The following RBMS1 variants were observed in gnomAD, a reference collection of about 807,000 sequenced individuals.
RBMS1 encodes the protein RNA binding motif single stranded interacting protein 1.
Under a neutral mutation model 62.3 loss-of-function variants are expected in RBMS1, and 17 were observed. The ratio of observed to expected loss-of-function variants is 0.27; its 90% CI spans 0.19 to 0.41. The LOEUF (loss-of-function observed/expected upper bound fraction) is 0.41. Among genes scored for constraint, RBMS1 ranks in the 10% least tolerant of loss-of-function variants. The pLI is 1.00. For missense variants in RBMS1, 334 were observed against 504.5 expected, an observed-to-expected ratio of 0.66 and a Z score of 3.24; for synonymous variants, 172 against 170.0, an observed-to-expected ratio of 1.01 and a Z score of -0.09.
At chr2:160,310,321 T>C (rs1296750659) in intron 4 of RBMS1, among the ~76,000 whole-genome samples, 1 of 152,192 alleles carries the variant, frequency 6.6e-6, no homozygotes, top group African/African-American at 2.4e-5. Context: ...AACAATTGCT[T>C]TTTAGGCTGT....
At chr2:160,444,761 T>C (rs1177541907) in intron 1 of RBMS1, among the ~76,000 whole-genome samples, 1 of 152,150 alleles carries the variant, frequency 6.6e-6, no homozygotes, top group Non-Finnish European at 1.5e-5. Flanking sequence ...ACAGGTCTGG[T>C]GGCCTTACAA....
intron 1 of RBMS1, among the ~76,000 whole-genome samples, chr2:160,421,875 G>C (rs1364311586): frequency 1.3e-5 from 2 of 152,170 alleles, no homozygotes; most frequent in African/African-American, 4.8e-5. Flanking sequence ...TTGTGGTTTT[G>C]ATTTGCATTT....
chr2:160,435,017 T>TA (rs1245676720), intron 1 of RBMS1, among the ~76,000 whole-genome samples: 1 of 152,170 alleles, frequency 6.6e-6, no homozygotes, highest in African/African-American at 2.4e-5. Flanking sequence ...TCTCAGGAAT[T>TA]AGACATTTAA....
intron 10 of RBMS1, among the ~76,000 whole-genome samples, chr2:160,280,124 G>C (rs529477628): frequency 1.3e-5 from 2 of 152,228 alleles, no homozygotes; most frequent in East Asian, 3.9e-4. Context: ...TCTGTAATAG[G>C]AAGTCCTCAA....
chr2:160,483,575 G>A (rs963017223), intron 1 of RBMS1, among the ~76,000 whole-genome samples: 1 of 152,162 alleles, frequency 6.6e-6, no homozygotes, highest in Non-Finnish European at 1.5e-5. Flanking sequence ...AGCATTAAGA[G>A]GTAGTAAAGA....
chr2:160,446,916 G>A (rs1208091865), intron 1 of RBMS1, among the ~76,000 whole-genome samples: 1 of 152,118 alleles, frequency 6.6e-6, no homozygotes, highest in Non-Finnish European at 1.5e-5. Flanking sequence ...ACTGATTGGC[G>A]CCTGAAAGTT....
intron 1 of RBMS1, among the ~76,000 whole-genome samples, chr2:160,458,026 T>C (rs1050805423): frequency 1.3e-5 from 2 of 152,140 alleles, no homozygotes; most frequent in African/African-American, 4.8e-5. Context: ...CCGAGTGGTG[T>C]GATCATTGCT....
At chr2:160,340,333 T>A (rs965147219) in intron 2 of RBMS1, among the ~76,000 whole-genome samples, 2 of 152,180 alleles carry the variant, frequency 1.3e-5, no homozygotes, top group African/African-American at 2.4e-5. Flanking sequence ...TTTGAGTTTA[T>A]CTTCTTATGG....
At chr2:160,485,700 T>C (rs1685571996) in intron 1 of RBMS1, among the ~76,000 whole-genome samples, 1 of 151,770 alleles carries the variant, frequency 6.6e-6, no homozygotes, top group African/African-American at 2.4e-5. Flanking sequence ...TAGTAGCCAG[T>C]TCTCTGATAG....
At chr2:160,283,670 A>G (rs1688220537) in intron 9 of RBMS1, 1 of 152,186 alleles carries the variant, frequency 6.6e-6, no homozygotes, top group Admixed American at 6.5e-5. Context: ...CATTATTTAA[A>G]CGTATAACTA....
chr2:160,283,703 C>T (rs924877623), intron 9 of RBMS1: 9 of 152,072 alleles, frequency 5.9e-5, no homozygotes, highest in African/African-American at 2.2e-4. Context: ...TATCAGCCAC[C>T]TAATCATGCA....
At chr2:160,376,102 C>T (rs188379743) in intron 1 of RBMS1, among the ~76,000 whole-genome samples, 74 of 152,128 alleles carry the variant, frequency 4.9e-4, no homozygotes, top group African/African-American at 1.6e-3. Context: ...AATGAATTAC[C>T]GCTGAGATTG....
chr2:160,345,884 CACT>C (rs1199186463), intron 2 of RBMS1, among the ~76,000 whole-genome samples: 2 of 152,002 alleles, frequency 1.3e-5, no homozygotes, highest in Non-Finnish European at 2.9e-5. Context: ...GGTTGGATAC[CACT>C]GTAACAGTCC....
chr2:160,325,206 G>C (rs1469130416), intron 2 of RBMS1, among the ~76,000 whole-genome samples: 1 of 152,062 alleles, frequency 6.6e-6, no homozygotes, highest in Admixed American at 6.5e-5. Flanking sequence ...AGCTCCAAAA[G>C]AGTAAGGAGA....
chr2:160,374,962 C>T (rs916196013), intron 1 of RBMS1, among the ~76,000 whole-genome samples: 23 of 151,850 alleles, frequency 1.5e-4, no homozygotes, highest in Admixed American at 3.3e-4. Flanking sequence ...AGGAATTGAA[C>T]GGAAAAGTTA....
chr2:160,493,207 G>A (rs1447813560), intron 1 of RBMS1, 82 bp downstream of exon 1: 3 of 1,342,178 alleles, frequency 2.2e-6, no homozygotes, highest in East Asian at 2.4e-5. Flanking sequence ...GGTTCGCCGC[G>A]CGCCCCCCTC....
chr2:160,411,694 A>G (rs565236607), intron 1 of RBMS1, among the ~76,000 whole-genome samples: 1 of 152,218 alleles, frequency 6.6e-6, no homozygotes, highest in South Asian at 2.1e-4. Flanking sequence ...AGTACAGTAC[A>G]TGGACAAAAG....
intron 3 of RBMS1, among the ~76,000 whole-genome samples, chr2:160,317,300 C>A (rs982033330): frequency 3.3e-5 from 5 of 152,192 alleles, no homozygotes; most frequent in Non-Finnish European, 7.3e-5. Flanking sequence ...GCCCCGTCAC[C>A]ACTACTTGAA....
rs71297446 is a variant in RBMS1, at chr2:160,311,224, C to CCATATATATATATATATATATATA, written c.402+1931_402+1932insTATATATATATATATATATATATG. Reference sequence around the variant, plus strand: ...AAAAAAAAAAAATCTATCTATCTATCTATCTATCTATATATATATATATAT... The same window carrying CCATATATATATATATATATATATA: ...AAAAAAAAAAAATCTATCTATCTATCCATATATATATATATATATATATATATCTATCTATATATATATATATAT... On this transcript the variant is annotated intron_variant, in intron 4 of 13. Transcript: ENST00000348849. Among the ~76,000 whole-genome samples the CCATATATATATATATATATATATA allele has an allele frequency of 1.4e-4, 8 of 56,590 alleles. 1 individual carries two copies. Among genetic ancestry groups the CCATATATATATATATATATATATA allele is most frequent in the Admixed American group, 6.3e-4 (3 of 4,762 alleles). 37.1% of individuals were successfully genotyped at this position (56,590 alleles called of 152,430 possible). A position where few individuals can be genotyped will look rare whatever the true frequency, so the allele number is the denominator to read the frequency against.
Sources: allele counts gnomAD v4.1 joint callset (sites outside exome capture counted in the v4.1 genomes callset), GRCh38; gene constraint gnomAD v4.1.1; transcripts MANE v1.5; gene names NCBI Gene and HGNC (gene_info 2026-07-23, HGNC 2026-07-21).